PLEC: variants seen among roughly 807,000 people sequenced by gnomAD.
PLEC encodes the protein plectin.
In PLEC, 216 loss-of-function variants were observed where a neutral mutation model predicts 392.8. That is an observed-to-expected ratio of 0.55 (90% CI 0.49 to 0.62). The LOEUF (loss-of-function observed/expected upper bound fraction) is 0.62. PLEC is among the 20% of genes least tolerant of loss of function. The pLI is 0.00. For missense variants in PLEC, 6,863 were observed against 6,563.4 expected, an observed-to-expected ratio of 1.05 and a Z score of -1.58; for synonymous variants, 3,621 against 2,980.6, an observed-to-expected ratio of 1.21 and a Z score of -7.00.
In PLEC at chr8:143,932,188, A is replaced by G. The variant is rs782636181; in HGVS notation, c.2024T>C (p.Leu675Pro). ...LELKEKKIKE[L>P]QNAGDRLLRE... Reference sequence around the variant, plus strand: ...CAGCAGCCGGTCCCCAGCATTTTGGAGCTCCTTGATCTTCTTCTCCTTCAG... The same window carrying G: ...CAGCAGCCGGTCCCCAGCATTTTGGGGCTCCTTGATCTTCTTCTCCTTCAG... Residue 675 changes from leucine (L) to proline (P), a missense_variant, in exon 17 of 32, where the codon CTC (leucine) becomes CCC (proline). Physicochemically the swap from Leu to Pro is moderately conservative, Grantham distance 98 (BLOSUM62 -3). Coordinates refer to ENST00000345136, the MANE Select transcript of PLEC (RefSeq NM_201384.3). 135 of 1,611,900 alleles carry G rather than the reference A, an allele frequency of 8.4e-5. No individual in the cohort carries two copies. Among genetic ancestry groups the G allele is most frequent in the Middle Eastern group, 6.7e-4 (4 of 5,992 alleles).
chr8:143,933,731 G>C (rs1828089152), intron 12 of PLEC, among the ~76,000 whole-genome samples: 1 of 152,224 alleles, frequency 6.6e-6, no homozygotes, highest in African/African-American at 2.4e-5. Flanking sequence ...GCCGCTGTCG[G>C]GGAGGGGGCC....
chr8:143,976,285 G>C (rs1833659393), upstream of PLEC, among the ~76,000 whole-genome samples: 1 of 152,316 alleles, frequency 6.6e-6, no homozygotes, highest in Admixed American at 6.5e-5. Flanking sequence ...TGGCGTGCGG[G>C]AGGTGAATGG....
Position 143,964,794 on chromosome 8 carries a change from C to G in PLEC, c.70+8609G>C, listed in dbSNP as rs150523747. ...GCCTATCCTGTGCCTGCTCTGTTAG[C>G]TTCCCAGGTAGCCACTCGTTTAGCA... On this transcript the variant is annotated intron_variant, in intron 1 of 31. Transcript: ENST00000356346. Among the ~76,000 whole-genome samples the G allele has an allele frequency of 5.2e-3, 795 of 152,280 alleles. 9 individuals are homozygous for G. Among genetic ancestry groups the G allele is most frequent in the African/African-American group, 0.018 (748 of 41,540 alleles).
At chr8:143,944,345 C>T (rs1487265782), upstream of PLEC, among the ~76,000 whole-genome samples, 3 of 152,196 alleles carry the variant, frequency 2.0e-5, no homozygotes, top group Non-Finnish European at 4.4e-5. Context: ...GAGCAGCCCA[C>T]TCTGCCTCCA....
At chr8:143,951,801 G>A (rs1188654023), upstream of PLEC, among the ~76,000 whole-genome samples, 1 of 152,172 alleles carries the variant, frequency 6.6e-6, no homozygotes, top group Non-Finnish European at 1.5e-5. Flanking sequence ...CAGGGCCCAA[G>A]GGAAGGGAAG....
chr8:143,945,006 C>T (rs1554731321), intron 1 of PLEC, among the ~76,000 whole-genome samples: 1 of 144,606 alleles, frequency 6.9e-6, no homozygotes, highest in African/African-American at 2.9e-5. Flanking sequence ...TATAATAGAG[C>T]AGGGCGCGGG....
At chr8:143,947,412 T>C (rs781889636) in intron 1 of PLEC, among the ~76,000 whole-genome samples, 1 of 152,140 alleles carries the variant, frequency 6.6e-6, no homozygotes, top group Non-Finnish European at 1.5e-5. Flanking sequence ...CTCCACACAA[T>C]CCTCGGTTCC....
At chr8:143,934,127 C>A (rs782792009) in intron 11 of PLEC, 36 bp from the exon 12 acceptor site, 124 of 1,603,986 alleles carry the variant, frequency 7.7e-5, no homozygotes, top group Non-Finnish European at 1.0e-4. Context: ...CCGCGTTGGC[C>A]GGGTCCGGCA....
At position 143,918,900 on chromosome 8, in the gene PLEC, C is replaced by T. The variant is rs146233901; in HGVS notation, c.10921G>A (p.Asp3641Asn). 163 of 1,611,782 alleles carry T rather than the reference C, an allele frequency of 1.0e-4. 1 individual carries two copies. In the East Asian group the frequency reaches 1.1e-3, roughly 11 times the overall value. ...GCCGTGAGGCGGCGGCGCACGTAGT[C>T]GTAGGAGGCCAGACCCTGCTGGCGG... Reference protein sequence around the residue: ...IIRQQGLASYDYVRRRLTAED... With the variant: ...IIRQQGLASYNYVRRRLTAED... Residue 3641 changes from aspartate (D) to asparagine (N), a missense_variant, in exon 32 of 32, where the codon GAC becomes AAC. Physicochemically the swap from Asp to Asn is conservative, Grantham distance 23 (BLOSUM62 1). Coordinates refer to ENST00000345136, the MANE Select transcript of PLEC (RefSeq NM_201384.3).
chr8:143,953,029 A>C (rs1587374429), upstream of PLEC, among the ~76,000 whole-genome samples: 2 of 94,142 alleles, frequency 2.1e-5, no homozygotes, highest in African/African-American at 8.2e-5. Flanking sequence ...CCTGCAGCAC[A>C]CACCCCCCCC....
chr8:143,939,675 C>T (rs149878798), upstream of PLEC: 47 of 1,393,440 alleles, frequency 3.4e-5, no homozygotes, highest in African/African-American at 9.0e-5. Context: ...CTGCCCAGGC[C>T]GCCGCCAGGG....
chr8:143,926,626 G>C (rs1825282823), intron 30 of PLEC, among the ~76,000 whole-genome samples, 158 bp downstream of exon 30: 1 of 152,168 alleles, frequency 6.6e-6, no homozygotes, highest in African/African-American at 2.4e-5. Context: ...GGGCAGCCTG[G>C]GGCAGGCTGA....
chr8:143,967,784 G>C (rs1833188689), intron 1 of PLEC, among the ~76,000 whole-genome samples: 1 of 152,012 alleles, frequency 6.6e-6, no homozygotes, highest in South Asian at 2.1e-4. Flanking sequence ...GTTCACAAAA[G>C]AAAAGGTGCA....
At chr8:143,929,348 AAGGAGGGAGGGTGGG>A in intron 24 of PLEC, 51 bp downstream of exon 24, 5 of 1,578,902 alleles carry the variant, frequency 3.2e-6, no homozygotes, top group Non-Finnish European at 4.3e-6. Flanking sequence ...TTGAAGGCCA[AAGGAGGGAGGGTGGG>A]AGGAGGGATG....
intron 1 of PLEC, among the ~76,000 whole-genome samples, chr8:143,947,615 T>C (rs1422651598): frequency 6.7e-6 from 1 of 149,118 alleles, no homozygotes; most frequent in East Asian, 1.9e-4. Flanking sequence ...CCAGGCATGG[T>C]GGCTCATGCC....
chr8:143,952,220 A>ACACACACACG (rs782520190), upstream of PLEC, among the ~76,000 whole-genome samples: 2 of 139,892 alleles, frequency 1.4e-5, no homozygotes, highest in South Asian at 2.2e-4. Flanking sequence ...GCGCGCACAC[A>ACACACACACG]CGCACGCGCA....
chr8:143,967,362 CAAAAAAAAAAA>C (rs869137248), intron 1 of PLEC, among the ~76,000 whole-genome samples: 11 of 46,852 alleles, frequency 2.3e-4, no homozygotes, highest in African/African-American at 4.9e-4. Context: ...GACTCCATCT[CAAAAAAAAAAA>C]AAAAAAAAAA....
intron 1 of PLEC, among the ~76,000 whole-genome samples, chr8:143,972,511 A>G (rs1244134030): frequency 1.3e-5 from 2 of 152,218 alleles, no homozygotes; most frequent in African/African-American, 4.8e-5. Context: ...ACGGGGCCCC[A>G]GCAGGACCTC....
chr8:143,925,853 C>A lies in PLEC; in HGVS notation c.4076G>T (p.Arg1359Leu), dbSNP rs574482100. 1 of 1,549,390 alleles carries A rather than the reference C, an allele frequency of 6.5e-7. No homozygotes were observed. ...GGCCTCCACCTCGGCCAGCCGCTCG[C>A]GCTCCTCTGCCCGCTGCTGCTCAGC... ...RLAEQQRAEERERLAEVEAAL... is the reference protein window; with the variant it reads ...RLAEQQRAEELERLAEVEAAL... Residue 1359 changes from arginine (R) to leucine (L), a missense_variant, in exon 31 of 32, where the codon CGC becomes CTC. Coordinates refer to ENST00000345136, the MANE Select transcript of PLEC (RefSeq NM_201384.3).
Sources: allele counts gnomAD v4.1 joint callset (sites outside exome capture counted in the v4.1 genomes callset), GRCh38; gene constraint gnomAD v4.1.1; transcripts MANE v1.5; gene names NCBI Gene and HGNC (gene_info 2026-07-23, HGNC 2026-07-21).